PRDM16: variants seen among roughly 807,000 people sequenced by gnomAD.
PRDM16 encodes histone-lysine N-methyltransferase PRDM16.
A neutral mutation model predicts 110.6 loss-of-function variants in PRDM16; 23 were observed. The observed-to-expected ratio is 0.21, with a 90% CI of 0.15 to 0.29. The LOEUF (loss-of-function observed/expected upper bound fraction) is 0.29. Ranked by LOEUF, PRDM16 falls within the 10% of genes least tolerant of loss-of-function variation. PRDM16 has a pLI of 1.00. For synonymous variants in PRDM16, 799 were observed against 781.8 expected (o/e 1.02, Z -0.37); for missense variants, 1,615 against 1,794.3 (o/e 0.90, Z 1.81).
At chr1:3,083,069 G>A (rs559425255) in intron 1 of PRDM16, among the ~76,000 whole-genome samples, 2 of 152,226 alleles carry the variant, frequency 1.3e-5, no homozygotes, top group South Asian at 4.1e-4. Flanking sequence ...TTAGGATCCA[G>A]GCAGTCAGGA....
rs531253973 is a variant in PRDM16 at position 3,223,383 on chromosome 1, G to A, written c.388-20704G>A. The stretch of plus-strand genomic sequence containing the variant: ...CTGCTAGAAGCGCTGCTGATGAGCC[G>A]AAGTTCATCTTTTGTCTGGAATGTT... On this transcript the variant is annotated intron_variant, in intron 2 of 16. Coordinates refer to ENST00000270722, the MANE Select transcript of PRDM16 (RefSeq NM_022114.4). Among the ~76,000 whole-genome samples, 6 of 152,196 alleles carry A rather than the reference G, an allele frequency of 3.9e-5. No homozygotes were observed. The East Asian group carries it at 7.7e-4, about 20-fold the overall frequency.
At chr1:3,263,768 A>C (rs1306108134) in intron 3 of PRDM16, among the ~76,000 whole-genome samples, 1 of 152,242 alleles carries the variant, frequency 6.6e-6, no homozygotes, top group Admixed American at 6.5e-5. Context: ...GTCTCATCTA[A>C]TAGTTGGAAC....
At chr1:3,306,597 A>G (rs565070548) in intron 3 of PRDM16, 1 of 152,200 alleles carries the variant, frequency 6.6e-6, no homozygotes, top group Non-Finnish European at 1.5e-5. Flanking sequence ...TTTAGGAGAA[A>G]TTTTAAGTAT....
At chr1:3,313,637 C>T (rs1570048443) in intron 3 of PRDM16, among the ~76,000 whole-genome samples, 1 of 152,364 alleles carries the variant, frequency 6.6e-6, no homozygotes, top group South Asian at 2.1e-4. Flanking sequence ...CGTGCGGACC[C>T]CGCTCCACTC....
At chr1:3,385,079 G>A in intron 3 of PRDM16, 73 bp from the exon 4 acceptor site, 1 of 1,574,480 alleles carries the variant, frequency 6.4e-7, no homozygotes, top group Non-Finnish European at 8.7e-7. Flanking sequence ...CAGGTTTCTG[G>A]GTGGGCAGAG....
chr1:3,079,457 G>A (rs566226113), intron 1 of PRDM16, among the ~76,000 whole-genome samples: 2 of 152,254 alleles, frequency 1.3e-5, no homozygotes, highest in South Asian at 4.2e-4. Context: ...GGTCCCTTTC[G>A]GAGGGAAGCC....
rs1569809786 is a variant in PRDM16, at chr1:3,190,627, G to A, written c.387+4153G>A. Among the ~76,000 whole-genome samples, 1 of 152,234 alleles carries A rather than the reference G, an allele frequency of 6.6e-6. No homozygotes were observed. Among genetic ancestry groups the A allele is most frequent in the East Asian group, 1.9e-4 (1 of 5,140 alleles). Reference sequence around the variant, plus strand: ...GCCCCCTGGGCTTCATCTCAGGGAGGGGGCTTGTCAGGAAGTGCACCCGAA... The same window carrying A: ...GCCCCCTGGGCTTCATCTCAGGGAGAGGGCTTGTCAGGAAGTGCACCCGAA... On this transcript the variant is annotated intron_variant, in intron 2 of 16. Coordinates refer to ENST00000270722, the MANE Select transcript of PRDM16 (RefSeq NM_022114.4). This position sits in a 1 kb window ranked among gnomAD's most constrained non-coding sequence, Gnocchi z 5.0.
intron 2 of PRDM16, among the ~76,000 whole-genome samples, chr1:3,230,450 C>A (rs1639380728): frequency 6.6e-6 from 1 of 152,212 alleles, no homozygotes; most frequent in Non-Finnish European, 1.5e-5. Context: ...AGACCCTTCC[C>A]CATCCCAGAG....
intron 16 of PRDM16, among the ~76,000 whole-genome samples, 159 bp from the exon 17 acceptor site, chr1:3,433,514 GCGCT>G (rs1638825799): frequency 7.1e-6 from 1 of 141,612 alleles, no homozygotes; most frequent in East Asian, 2.8e-4. Flanking sequence ...CCCTGCCCAC[GCGCT>G]CACCTGCCTG....
intron 4 of PRDM16, chr1:3,394,454 A>G (rs964184836): frequency 2.3e-6 from 1 of 430,286 alleles, no homozygotes; most frequent in Non-Finnish European, 4.6e-6. Flanking sequence ...CCGAGGTCTC[A>G]CGTCAGGACC....
At chr1:3,174,122 A>G (rs910952593) in intron 1 of PRDM16, among the ~76,000 whole-genome samples, 2 of 151,994 alleles carry the variant, frequency 1.3e-5, no homozygotes, top group Non-Finnish European at 2.9e-5. Flanking sequence ...TGGAGGTCCT[A>G]GGGGAAGAGT....
At chr1:3,273,358 C>T (rs1001619764) in intron 3 of PRDM16, among the ~76,000 whole-genome samples, 7 of 152,210 alleles carry the variant, frequency 4.6e-5, no homozygotes, top group Admixed American at 4.6e-4. Context: ...ACTTCCACAT[C>T]TCTTATGATC....
chr1:3,397,020 A>G (rs578204415), intron 5 of PRDM16, among the ~76,000 whole-genome samples: 1 of 152,118 alleles, frequency 6.6e-6, no homozygotes, highest in Non-Finnish European at 1.5e-5. Context: ...GAACAAACAA[A>G]CACCAAGCCA....
chr1:3,291,811 A>G (rs10909918), intron 3 of PRDM16, among the ~76,000 whole-genome samples: 65,135 of 152,186 alleles, frequency 0.43, 15,550 homozygotes, highest in East Asian at 0.6. Flanking sequence ...TTTGAGACCC[A>G]CTGGGTTGGA....
chr1:3,137,153 G>A (rs992415838), intron 1 of PRDM16, among the ~76,000 whole-genome samples: 10 of 152,210 alleles, frequency 6.6e-5, no homozygotes, highest in African/African-American at 2.4e-4. Flanking sequence ...CCAGAACAGG[G>A]TGACCCTGGC....
chr1:3,132,832 C>G (rs1004462241), intron 1 of PRDM16: 9 of 152,194 alleles, frequency 5.9e-5, no homozygotes, highest in Non-Finnish European at 8.8e-5. Flanking sequence ...GATAAAAAGC[C>G]CTCGTCAGGG....
intron 3 of PRDM16, among the ~76,000 whole-genome samples, chr1:3,380,101 C>T (rs1189225627): frequency 2.7e-5 from 4 of 150,260 alleles, no homozygotes; most frequent in African/African-American, 9.8e-5. Flanking sequence ...CCCCTCCCAA[C>T]ACATCCCCTC....
chr1:3,073,436 A>G (rs1003247138), intron 1 of PRDM16, among the ~76,000 whole-genome samples: 1 of 152,238 alleles, frequency 6.6e-6, no homozygotes, highest in Admixed American at 6.5e-5. Flanking sequence ...AAATAGCGTT[A>G]AATACAATTT....
intron 3 of PRDM16, among the ~76,000 whole-genome samples, chr1:3,329,938 G>A (rs1642009222): frequency 6.6e-6 from 1 of 152,272 alleles, no homozygotes; most frequent in African/African-American, 2.4e-5. Context: ...CACCCAGGAG[G>A]TGGGTCAGGG....
Sources: allele counts gnomAD v4.1 joint callset (sites outside exome capture counted in the v4.1 genomes callset), GRCh38; gene constraint gnomAD v4.1.1; non-coding constraint Gnocchi (gnomAD v3.1); transcripts MANE v1.5; gene names NCBI Gene and HGNC (gene_info 2026-07-23, HGNC 2026-07-21).